ABLIM3: variants seen among roughly 807,000 people sequenced by gnomAD.
ABLIM3 encodes actin binding LIM protein family member 3, also known as actin-binding LIM protein 3.
In ABLIM3, 61 loss-of-function variants were observed where a neutral mutation model predicts 109.5. The observed-to-expected ratio is 0.56, with a 90% confidence interval of 0.45 to 0.69. ABLIM3 has a LOEUF of 0.69. ABLIM3 is among the 30% of genes least tolerant of loss of function. The pLI is 0.00. For missense variants in ABLIM3, 796 were observed against 889.5 expected (o/e 0.89, Z 1.34); for synonymous variants, 300 against 324.8 (o/e 0.92, Z 0.82).
chr5:149,206,886 T>A (rs112036930), intron 5 of ABLIM3, 122 bp from the exon 6 acceptor site: 1 of 1,012,302 alleles, frequency 9.9e-7, no homozygotes, highest in South Asian at 1.8e-5. Flanking sequence ...GCTTCCAGTG[T>A]CAGGTGGGAG....
At chr5:149,169,014 A>C (rs1755093646) in intron 2 of ABLIM3, among the ~76,000 whole-genome samples, 1 of 140,996 alleles carries the variant, frequency 7.1e-6, no homozygotes, top group Non-Finnish European at 1.5e-5. Context: ...CACTTTGAGA[A>C]ACACTCATAC....
intron 2 of ABLIM3, among the ~76,000 whole-genome samples, chr5:149,183,177 A>T (rs1331161730): frequency 6.6e-6 from 1 of 152,126 alleles, no homozygotes; most frequent in African/African-American, 2.4e-5. Context: ...ATGTCCTCTT[A>T]TTTGTCTTCA....
At chr5:149,239,195 C>G (rs996457689) in intron 11 of ABLIM3, 53 bp from the exon 12 acceptor site, 2 of 1,595,954 alleles carry the variant, frequency 1.3e-6, no homozygotes, top group African/African-American at 2.7e-5. Context: ...TCTCGTCCTC[C>G]TCTCATTCCT....
chr5:149,258,422 A>T lies in ABLIM3; in HGVS notation c.*18A>T. ...TGTTCTAGGCAGAGGCTCTATAAAT[A>T]TATATGCATTTATATAAAGATATAT... On this transcript the variant is annotated 3_prime_UTR_variant, in exon 24 of 24. Coordinates refer to ENST00000309868, the MANE Select transcript of ABLIM3 (RefSeq NM_014945.5). 1 of 1,607,620 alleles carries T rather than the reference A, an allele frequency of 6.2e-7. No homozygotes were observed. The highest frequency in any genetic ancestry group is 1.7e-5 in the Admixed American group (1 of 59,116).
At chr5:149,178,161 A>G (rs375018064) in intron 2 of ABLIM3, among the ~76,000 whole-genome samples, 2 of 152,092 alleles carry the variant, frequency 1.3e-5, no homozygotes, top group South Asian at 2.1e-4. Context: ...CCTGCTGTGA[A>G]GTACCAGATC....
chr5:149,254,016 G>T (rs1754205514), intron 23 of ABLIM3, among the ~76,000 whole-genome samples: 1 of 152,166 alleles, frequency 6.6e-6, no homozygotes, highest in East Asian at 1.9e-4. Context: ...TTGTACAGGG[G>T]AACGCCCTTT....
In ABLIM3 at chr5:149,239,883, G is replaced by A. The variant is rs747716272; in HGVS notation, c.1199G>A (p.Arg400His). The A allele has an allele frequency of 1.7e-5, 28 of 1,604,260 alleles. No homozygotes were observed. Among genetic ancestry groups the A allele is most frequent in the Admixed American group, 1.4e-4 (8 of 58,914 alleles). ...TFSRSPHHYY[R>H]SGPESGRSSP... Reference sequence around the variant, plus strand: ...TCCCGCTCACCTCACCACTACTACCGCTCTGGTAAGGAAGGGGGAGGACCT... The same window carrying A: ...TCCCGCTCACCTCACCACTACTACCACTCTGGTAAGGAAGGGGGAGGACCT... Residue 400 changes from arginine to histidine, a missense_variant, in exon 13 of 24, where the codon CGC (arginine) becomes CAC (histidine). Coordinates refer to ENST00000309868, the MANE Select transcript of ABLIM3 (RefSeq NM_014945.5).
chr5:149,142,039 T>G lies in ABLIM3; in HGVS notation c.-57T>G. On this transcript the variant is annotated 5_prime_UTR_variant, in exon 2 of 24. The change creates a new upstream start codon in the 5' untranslated region. Coordinates refer to ENST00000309868, the MANE Select transcript of ABLIM3 (RefSeq NM_014945.5). ...GAGTGAGGTTCGAAGAACGGAAGAT[T>G]TAAAAAGCAGCCGGGGCCTCCGTAT... is the stretch of plus-strand genomic sequence containing the variant. 1 of 1,613,964 alleles carries G rather than the reference T, an allele frequency of 6.2e-7. No individual in the cohort carries two copies.
Position 149,193,451 on chromosome 5 carries a change from TAAGA to T in ABLIM3, c.152-4763_152-4760del, listed in dbSNP as rs750129121. Among the ~76,000 whole-genome samples, 149 of 151,920 alleles carry T rather than the reference TAAGA, an allele frequency of 9.8e-4. 1 individual carries two copies. The highest frequency in any genetic ancestry group is 4.4e-3 in the Admixed American group (67 of 15,298). The stretch of plus-strand genomic sequence containing the variant: ...AAATTGTTAAATTTATAGAATATCA[TAAGA>T]AAGACATTAAATACCTAAATAATTT... On this transcript the variant is annotated intron_variant, in intron 3 of 23. Coordinates refer to ENST00000309868, the MANE Select transcript of ABLIM3 (RefSeq NM_014945.5).
At chr5:149,165,428 TG>T (rs1440269547) in intron 2 of ABLIM3, among the ~76,000 whole-genome samples, 5 of 152,238 alleles carry the variant, frequency 3.3e-5, no homozygotes, top group Admixed American at 3.3e-4. Flanking sequence ...ATTTATGTAT[TG>T]TTTTTGGTTG....
rs374815728 is a variant in ABLIM3 at position 149,250,429 on chromosome 5, C to G, written c.1730-18C>G. The G allele has an allele frequency of 1.2e-5, 19 of 1,613,894 alleles. No homozygotes were observed. Among genetic ancestry groups the G allele is most frequent in the Non-Finnish European group, 1.5e-5 (18 of 1,179,908 alleles). ...TGGCTTGGGACTCCTGATAATTGCT[C>G]TAGATCCTTCTTTTCAGATCCTCTC... On this transcript the variant is annotated intron_variant, in intron 19 of 23. Transcript: ENST00000309868.
chr5:149,242,437 T>C, intron 14 of ABLIM3, 54 bp from the exon 15 acceptor site: 1 of 1,569,836 alleles, frequency 6.4e-7, no homozygotes. Flanking sequence ...TTCTCCCTTT[T>C]CTCCTGTCTC....
intron 2 of ABLIM3, chr5:149,163,805 G>GCC (rs1754594624): frequency 6.6e-6 from 1 of 152,272 alleles, no homozygotes; most frequent in Admixed American, 6.5e-5. Flanking sequence ...CCAACATGGA[G>GCC]TCCCTCCTCA....
At chr5:149,179,242 AAG>A (rs1479399364) in intron 2 of ABLIM3, among the ~76,000 whole-genome samples, 2 of 152,326 alleles carry the variant, frequency 1.3e-5, no homozygotes, top group South Asian at 4.1e-4. Context: ...ATGCATATAA[AAG>A]AGGGCTTAAT....
intron 14 of ABLIM3, among the ~76,000 whole-genome samples, chr5:149,242,037 C>T (rs1451845447): frequency 2.0e-5 from 3 of 152,200 alleles, no homozygotes; most frequent in Non-Finnish European, 2.9e-5. Flanking sequence ...TCTACACCTT[C>T]CTCAGCTGCC....
At chr5:149,239,391 A>T in intron 12 of ABLIM3, 114 bp downstream of exon 12, 4 of 1,173,700 alleles carry the variant, frequency 3.4e-6, no homozygotes, top group Non-Finnish European at 2.5e-6. Context: ...TATTCCCTGC[A>T]AGCAGGGAAG....
intron 22 of ABLIM3, 65 bp downstream of exon 22, chr5:149,252,273 C>A (rs1754005436): frequency 6.3e-7 from 1 of 1,580,782 alleles, no homozygotes; most frequent in Non-Finnish European, 8.6e-7. Context: ...TGGGGATCAC[C>A]AGGAGGATGA....
At chr5:149,195,034 G>A (rs753828168) in intron 3 of ABLIM3, among the ~76,000 whole-genome samples, 1 of 152,068 alleles carries the variant, frequency 6.6e-6, no homozygotes. Context: ...CTAACTCTTG[G>A]ATTTTGAAAT....
At chr5:149,173,825 T>C (rs1007283945) in intron 2 of ABLIM3, among the ~76,000 whole-genome samples, 5 of 151,808 alleles carry the variant, frequency 3.3e-5, no homozygotes. Flanking sequence ...ATCGAGACCA[T>C]CATGGCTAAC....
Sources: allele counts gnomAD v4.1 joint callset (sites outside exome capture counted in the v4.1 genomes callset), GRCh38; gene constraint gnomAD v4.1.1; transcripts MANE v1.5; gene names NCBI Gene and HGNC (gene_info 2026-07-23, HGNC 2026-07-21).